PLA2G4E: variants seen among roughly 807,000 people sequenced by gnomAD.
The protein encoded by PLA2G4E is cytosolic phospholipase A2 epsilon.
PLA2G4E carries 84 observed loss-of-function variants against 109.1 expected under a neutral mutation model. The ratio of observed to expected loss-of-function variants is 0.77; its 90% CI spans 0.65 to 0.92. The LOEUF (loss-of-function observed/expected upper bound fraction) is 0.92. Ranked by LOEUF, PLA2G4E falls within the 40% of genes least tolerant of loss-of-function variation. The pLI is 0.00. For missense variants in PLA2G4E, 1,057 were observed against 1,076.6 expected (o/e 0.98, Z 0.25); for synonymous variants, 469 against 436.1 (o/e 1.08, Z -0.94).
At chr15:42,021,878 G>A (rs907130926) in intron 1 of PLA2G4E, among the ~76,000 whole-genome samples, 2 of 152,304 alleles carry the variant, frequency 1.3e-5, no homozygotes, top group African/African-American at 4.8e-5. Context: ...AATTGAGGAT[G>A]AGATCTGAAC....
intron 1 of PLA2G4E, among the ~76,000 whole-genome samples, chr15:42,044,193 A>G (rs1889368435): frequency 6.6e-6 from 1 of 152,204 alleles, no homozygotes; most frequent in African/African-American, 2.4e-5. Flanking sequence ...CTGCGATAAG[A>G]ATCAGGAAGG....
In PLA2G4E at chr15:42,030,827, T is replaced by C. The variant is rs2141070998; in HGVS notation, c.184-17070A>G. ...TGTTTGCTCTTTTGTGTGTGGCCCC[T>C]TTCATTTAGCATAAGGCTTTTGAGA... On this transcript the variant is annotated intron_variant, in intron 1 of 19. Coordinates refer to ENST00000399518, the Ensembl canonical transcript of PLA2G4E. 3.3e-5 allele frequency among the ~76,000 whole-genome samples: 5 copies of C among 152,368 alleles called. 1 individual carries two copies. Among genetic ancestry groups the C allele is most frequent in the Admixed American group, 3.3e-4 (5 of 15,312 alleles).
intron 1 of PLA2G4E, among the ~76,000 whole-genome samples, chr15:42,023,981 G>C (rs1478726242): frequency 1.3e-5 from 2 of 152,232 alleles, no homozygotes. Flanking sequence ...CTACTGGAAA[G>C]TATTTACCGA....
chr15:42,016,726 G>C (rs184332187), intron 1 of PLA2G4E, among the ~76,000 whole-genome samples: 1 of 152,286 alleles, frequency 6.6e-6, no homozygotes, highest in East Asian at 1.9e-4. Context: ...CTCCTCTCCT[G>C]AACAGCTGCC....
exon 2 of PLA2G4E, chr15:42,013,752 C>A: frequency 1.3e-6 from 2 of 1,550,138 alleles, no homozygotes; most frequent in African/African-American, 1.4e-5. Context: ...ATGGAGACAG[C>A]CCCTCCTGTG....
Position 41,996,536 on chromosome 15 carries a change from C to T in PLA2G4E, c.1110+588G>A, listed in dbSNP as rs547058317. Among the ~76,000 whole-genome samples, 117 of 152,246 alleles carry T rather than the reference C, an allele frequency of 7.7e-4. 1 individual carries two copies. Among genetic ancestry groups the T allele is most frequent in the African/African-American group, 2.6e-3 (108 of 41,546 alleles). ...CCTAGGGTCAGCCTCAGAAAGCAGG[C>T]GCTTGGAGGGCTTGCCTGCTGCCCA... On this transcript the variant is annotated intron_variant, in intron 11 of 19. Coordinates refer to ENST00000399518, the Ensembl canonical transcript of PLA2G4E.
exon 20 of PLA2G4E, chr15:41,982,998 A>G (rs962653913): frequency 1.3e-5 from 2 of 152,234 alleles, no homozygotes; most frequent in Non-Finnish European, 2.9e-5. Context: ...AAAAATAATG[A>G]GACTAGGGCC....
At chr15:42,026,994 G>A (rs563705791) in intron 1 of PLA2G4E, among the ~76,000 whole-genome samples, 1 of 150,846 alleles carries the variant, frequency 6.6e-6, no homozygotes, top group Non-Finnish European at 1.5e-5. Context: ...AAGAAAGAAA[G>A]AAAGATGTGT....
chr15:42,029,413 A>AT (rs1889076752), intron 1 of PLA2G4E, among the ~76,000 whole-genome samples: 1 of 152,032 alleles, frequency 6.6e-6, no homozygotes, highest in Non-Finnish European at 1.5e-5. Flanking sequence ...TTCTCAAAGC[A>AT]CTTGTATCCA....
At chr15:42,018,955 C>G (rs2068622213) in intron 1 of PLA2G4E, among the ~76,000 whole-genome samples, 1 of 152,152 alleles carries the variant, frequency 6.6e-6, no homozygotes, top group Non-Finnish European at 1.5e-5. Context: ...TCTGGCAGGC[C>G]CAGCTGGGCT....
At chr15:42,020,704 C>T (rs2068640000) in intron 1 of PLA2G4E, among the ~76,000 whole-genome samples, 1 of 152,160 alleles carries the variant, frequency 6.6e-6, no homozygotes. Context: ...CTTGAGGGTA[C>T]TCTCAGCAGG....
intron 1 of PLA2G4E, among the ~76,000 whole-genome samples, chr15:42,045,941 C>A (rs951092103): frequency 1.4e-5 from 2 of 145,376 alleles, no homozygotes; most frequent in African/African-American, 5.2e-5. Context: ...CAGACCGCTC[C>A]ACCCCAACCA....
In PLA2G4E at chr15:41,984,790, G is replaced by A. The variant is rs78319226; in HGVS notation, c.2203-171C>T. 4.4e-4 allele frequency among the ~76,000 whole-genome samples: 67 copies of A among 152,310 alleles called. 1 individual carries two copies. The East Asian group carries it at 0.012, about 27-fold the overall frequency. On this transcript the variant is annotated intron_variant, in intron 18 of 19. Transcript: ENST00000399518. ...AAAGCCAGGTCAGGACAAAAGGCCC[G>A]AGGCAGTAGGTGGATGCACCTCCAG... is the stretch of plus-strand genomic sequence containing the variant.
At chr15:41,985,208 A>T (rs978326010) in intron 18 of PLA2G4E, among the ~76,000 whole-genome samples, 2 of 152,100 alleles carry the variant, frequency 1.3e-5, no homozygotes, top group African/African-American at 4.8e-5. Flanking sequence ...AGCTGGTGTA[A>T]GGGCCAAACA....
intron 3 of PLA2G4E, 65 bp from the exon 4 acceptor site, chr15:42,006,186 G>A (rs1385725555): frequency 3.1e-6 from 5 of 1,593,116 alleles, no homozygotes; most frequent in African/African-American, 1.3e-5. Context: ...CCAGAACAAG[G>A]GGCTTGACCT....
chr15:42,021,223 G>T (rs891213532), intron 1 of PLA2G4E, among the ~76,000 whole-genome samples, 181 bp from the exon 1 acceptor site: 7 of 151,612 alleles, frequency 4.6e-5, no homozygotes, highest in African/African-American at 1.7e-4. Flanking sequence ...AGAAATACAG[G>T]GACCCGCAGG....
Position 41,989,793 on chromosome 15 carries a change from G to A in PLA2G4E, c.1586-241C>T, listed in dbSNP as rs111271271. On this transcript the variant is annotated intron_variant, in intron 14 of 19. Transcript: ENST00000399518. ...ATTTGCACCTCAGAGCCTGTTGAATGGGACAAAAACTGACCCTGAAGCAGG... is the reference window on the plus strand; with the variant it reads ...ATTTGCACCTCAGAGCCTGTTGAATAGGACAAAAACTGACCCTGAAGCAGG... Among the ~76,000 whole-genome samples, 1,043 of 152,326 alleles carry A rather than the reference G, an allele frequency of 6.8e-3. 13 individuals carry two copies. Among genetic ancestry groups the A allele is most frequent in the African/African-American group, 0.024 (987 of 41,586 alleles).
At chr15:42,029,218 C>T (rs778290380) in intron 1 of PLA2G4E, among the ~76,000 whole-genome samples, 6 of 152,114 alleles carry the variant, frequency 3.9e-5, no homozygotes, top group Non-Finnish European at 5.9e-5. Context: ...GTTAGCCTCC[C>T]GAGTAACTGG....
chr15:42,037,129 TAGGTGCCCCTTG>T (rs1401130224), intron 1 of PLA2G4E, among the ~76,000 whole-genome samples: 1 of 152,216 alleles, frequency 6.6e-6, no homozygotes, highest in African/African-American at 2.4e-5. Context: ...TGCTGGCCTG[TAGGTGCCCCTTG>T]GCACCAGCAG....
Sources: allele counts gnomAD v4.1 joint callset (sites outside exome capture counted in the v4.1 genomes callset), GRCh38; gene constraint gnomAD v4.1.1; transcripts MANE v1.5; gene names NCBI Gene and HGNC (gene_info 2026-07-23, HGNC 2026-07-21).